JMJD1C: variants seen among roughly 807,000 people sequenced by gnomAD.
The protein encoded by JMJD1C is jumonji domain-containing protein 1C.
Under a neutral mutation model 245.3 loss-of-function variants are expected in JMJD1C, and 31 were observed. That is an observed-to-expected ratio of 0.13 (90% confidence interval 0.09 to 0.17). The LOEUF (loss-of-function observed/expected upper bound fraction) is 0.17, where lower values mean the gene tolerates loss of function less well. Among genes scored for constraint, JMJD1C ranks in the 10% least tolerant of loss-of-function variants. The pLI, the probability that JMJD1C is intolerant of heterozygous loss-of-function variation, is 1.00. For missense variants in JMJD1C, 2,691 were observed against 3,000.2 expected (o/e 0.90, Z 2.41); for synonymous variants, 1,057 against 1,017.4 (o/e 1.04, Z -0.74).
At chr10:63,269,945 T>C (rs1223440589) in intron 2 of JMJD1C, among the ~76,000 whole-genome samples, 3 of 152,190 alleles carry the variant, frequency 2.0e-5, no homozygotes, top group Admixed American at 1.3e-4. Flanking sequence ...TTAATCTGAA[T>C]TGAGATGTGT....
rs577787274 is a variant in JMJD1C, at chr10:63,440,007, G to A, written c.168+25488C>T. Among the ~76,000 whole-genome samples the A allele has an allele frequency of 3.9e-5, 6 of 152,286 alleles. No individual in the cohort carries two copies. The East Asian group carries it at 9.6e-4, about 24-fold the overall frequency. ...AAAGCAACCTTAATCTACAGACAGT[G>A]TAAAGACACTGAGAAACATAGGCAC... On this transcript the variant is annotated intron_variant, in intron 1 of 25. Coordinates refer to ENST00000399262, the MANE Select transcript of JMJD1C (RefSeq NM_032776.3).
chr10:63,427,351 T>A (rs61853589), intron 1 of JMJD1C: 151,723 of 1,034,668 alleles, frequency 0.15, 14,455 homozygotes, highest in Admixed American at 0.37. Flanking sequence ...GGACCAAGTG[T>A]TCACCGCCTT....
intron 2 of JMJD1C, among the ~76,000 whole-genome samples, chr10:63,322,790 G>A (rs1941040860): frequency 1.7e-5 from 2 of 115,422 alleles, no homozygotes; most frequent in Admixed American, 1.1e-4. Context: ...GCAACAGAGT[G>A]AGATTCCATC....
chr10:63,456,715 A>G (rs1309760231), intron 1 of JMJD1C, among the ~76,000 whole-genome samples: 1 of 152,166 alleles, frequency 6.6e-6, no homozygotes, highest in Non-Finnish European at 1.5e-5. Context: ...GGCATGTTAC[A>G]TGCAACCTTC....
chr10:63,238,882 A>G (rs1330642288), intron 3 of JMJD1C, among the ~76,000 whole-genome samples: 1 of 152,238 alleles, frequency 6.6e-6, no homozygotes, highest in African/African-American at 2.4e-5. Context: ...CACTGGCAAT[A>G]TATCTAAGAC....
intron 2 of JMJD1C, among the ~76,000 whole-genome samples, chr10:63,313,452 A>G (rs1939510667): frequency 6.6e-6 from 1 of 152,204 alleles, no homozygotes; most frequent in Admixed American, 6.5e-5. Flanking sequence ...TCCTCTGGGT[A>G]GACACCCAGT....
chr10:63,500,488 C>T (rs935747224), intron 1 of JMJD1C, among the ~76,000 whole-genome samples: 1 of 150,730 alleles, frequency 6.6e-6, no homozygotes, highest in African/African-American at 2.5e-5. Flanking sequence ...AATCCTAGCA[C>T]TTTGGGAGGC....
intron 1 of JMJD1C, chr10:63,427,281 CA>C: frequency 2.7e-5 from 10 of 371,236 alleles, no homozygotes; most frequent in South Asian, 3.6e-5. Flanking sequence ...CTCTGGAGCC[CA>C]CTCCAGCCGG....
At chr10:63,425,466 A>C (rs967829329) in intron 1 of JMJD1C, among the ~76,000 whole-genome samples, 1 of 150,820 alleles carries the variant, frequency 6.6e-6, no homozygotes, top group African/African-American at 2.4e-5. Context: ...ACTGCATATC[A>C]CATGACAAAT....
intron 22 of JMJD1C, among the ~76,000 whole-genome samples, chr10:63,179,901 A>AAAGT (rs1337598993): frequency 6.6e-6 from 1 of 152,346 alleles, no homozygotes; most frequent in Admixed American, 6.5e-5. Flanking sequence ...TTTTTAAAGA[A>AAAGT]AGCTGTTACC....
intron 2 of JMJD1C, among the ~76,000 whole-genome samples, chr10:63,349,067 C>T (rs1442127063): frequency 8.0e-6 from 1 of 124,698 alleles, no homozygotes; most frequent in Non-Finnish European, 1.6e-5. Context: ...CGCCATTGCA[C>T]TTCAGCCTGG....
intron 2 of JMJD1C, among the ~76,000 whole-genome samples, chr10:63,278,601 G>C (rs1031901208): frequency 1.1e-4 from 17 of 151,822 alleles, no homozygotes; most frequent in African/African-American, 3.9e-4. Flanking sequence ...CCGAGCGTGT[G>C]ATCCCAGCAC....
chr10:63,484,470 A>C (rs1279410559), intron 1 of JMJD1C, among the ~76,000 whole-genome samples: 1 of 151,972 alleles, frequency 6.6e-6, no homozygotes, highest in Non-Finnish European at 1.5e-5. Flanking sequence ...CGCTATTTAT[A>C]CCCTCCCACT....
At chr10:63,469,123 G>GT (rs1953410284), upstream of JMJD1C, among the ~76,000 whole-genome samples, 2 of 152,214 alleles carry the variant, frequency 1.3e-5, 1 homozygote, top group South Asian at 4.1e-4. Context: ...GACTTGGTAT[G>GT]TAACTGTGGA....
intron 3 of JMJD1C, among the ~76,000 whole-genome samples, chr10:63,220,740 A>G (rs1002862145): frequency 1.3e-5 from 2 of 152,156 alleles, no homozygotes; most frequent in Non-Finnish European, 2.9e-5. Flanking sequence ...CCTGCATTTG[A>G]GATCAGCTGC....
chr10:63,422,944 A>G (rs1415980674), intron 1 of JMJD1C, among the ~76,000 whole-genome samples: 1 of 150,952 alleles, frequency 6.6e-6, no homozygotes. Context: ...AACTGTCGCC[A>G]CTGTTACCAA....
At chr10:63,193,932 C>T (rs1426127222) in intron 14 of JMJD1C, among the ~76,000 whole-genome samples, 1 of 152,242 alleles carries the variant, frequency 6.6e-6, no homozygotes, top group East Asian at 1.9e-4. Context: ...TCCCAAAATG[C>T]TGGGATTACA....
chr10:63,240,733 T>C (rs6479890), intron 3 of JMJD1C, among the ~76,000 whole-genome samples: 23,454 of 152,092 alleles, frequency 0.15, 4,090 homozygotes, highest in African/African-American at 0.43. Context: ...AAAATAGGCT[T>C]AAGATTTGGT....
chr10:63,481,463 T>C (rs1953827899), intron 1 of JMJD1C, among the ~76,000 whole-genome samples: 1 of 151,898 alleles, frequency 6.6e-6, no homozygotes, highest in South Asian at 2.1e-4. Flanking sequence ...CTTTTAAAAA[T>C]ATGAGCAGTA....
Sources: allele counts gnomAD v4.1 joint callset (sites outside exome capture counted in the v4.1 genomes callset), GRCh38; gene constraint gnomAD v4.1.1; transcripts MANE v1.5; gene names NCBI Gene and HGNC (gene_info 2026-07-23, HGNC 2026-07-21).